The following FBXL17 variants were observed in gnomAD, a reference collection of about 807,000 sequenced individuals.
FBXL17 encodes F-box and leucine rich repeat protein 17.
FBXL17 carries 22 observed loss-of-function variants against 66.2 expected under a neutral mutation model. That is an observed-to-expected ratio of 0.33 (90% CI 0.24 to 0.47). The LOEUF (loss-of-function observed/expected upper bound fraction) is 0.47. Ranked by LOEUF, FBXL17 falls within the 20% of genes least tolerant of loss-of-function variation. FBXL17 has a pLI of 1.00. For synonymous variants in FBXL17, 474 were observed against 400.5 expected (o/e 1.18, Z -2.19); for missense variants, 878 against 948.2 (o/e 0.93, Z 0.97).
At chr5:108,146,559 T>G (rs1009820593) in intron 6 of FBXL17, among the ~76,000 whole-genome samples, 2 of 152,046 alleles carry the variant, frequency 1.3e-5, no homozygotes, top group African/African-American at 4.8e-5. Context: ...TTTCTTTGAG[T>G]TTTATAAACC....
At chr5:108,030,337 A>G (rs914464329) in intron 6 of FBXL17, among the ~76,000 whole-genome samples, 2 of 152,120 alleles carry the variant, frequency 1.3e-5, no homozygotes, top group African/African-American at 2.4e-5. Flanking sequence ...GGGAGGAAGT[A>G]TTACCCATTT....
At chr5:108,196,044 T>C (rs141866332) in intron 5 of FBXL17, among the ~76,000 whole-genome samples, 84 of 152,184 alleles carry the variant, frequency 5.5e-4, no homozygotes, top group Non-Finnish European at 1.0e-3. Context: ...ACATTTAATA[T>C]ATAATTGTAT....
chr5:107,952,100 A>T (rs1751515891), intron 7 of FBXL17, among the ~76,000 whole-genome samples: 1 of 66,268 alleles, frequency 1.5e-5, no homozygotes, highest in Admixed American at 1.3e-4. Context: ...ACAATAGGAA[A>T]ACACAAGCAT....
At position 108,246,464 on chromosome 5, in the gene FBXL17, C is replaced by A. The variant is rs552185354; in HGVS notation, c.1507-22236G>T. Reference sequence around the variant, plus strand: ...CCCAGGAGGTTGAGGTTGCAGTAAGCCATGATCATGCCACTGCACTCCACC... The same window carrying A: ...CCCAGGAGGTTGAGGTTGCAGTAAGACATGATCATGCCACTGCACTCCACC... On this transcript the variant is annotated intron_variant, in intron 4 of 8. Coordinates refer to ENST00000542267, the MANE Select transcript of FBXL17 (RefSeq NM_001163315.3). Among the ~76,000 whole-genome samples the A allele has an allele frequency of 3.3e-5, 5 of 152,234 alleles. No individual in the cohort carries two copies. In the South Asian group the frequency reaches 1.0e-3, roughly 32 times the overall value.
At chr5:107,935,854 C>T (rs1250524170) in intron 7 of FBXL17, among the ~76,000 whole-genome samples, 2 of 152,080 alleles carry the variant, frequency 1.3e-5, no homozygotes, top group African/African-American at 4.8e-5. Flanking sequence ...ATCACCATAG[C>T]AACCTGAAAG....
At chr5:108,165,880 C>A (rs1580541770) in intron 6 of FBXL17, among the ~76,000 whole-genome samples, 1 of 152,076 alleles carries the variant, frequency 6.6e-6, no homozygotes, top group African/African-American at 2.4e-5. Flanking sequence ...ATATGAAATA[C>A]CAAAGCACAG....
At chr5:108,333,306 A>C (rs1760220670) in intron 4 of FBXL17, among the ~76,000 whole-genome samples, 1 of 151,986 alleles carries the variant, frequency 6.6e-6, no homozygotes, top group Non-Finnish European at 1.5e-5. Context: ...CAAATATATA[A>C]AGGAAGAAGA....
At chr5:108,356,713 T>G (rs748024712) in intron 3 of FBXL17, among the ~76,000 whole-genome samples, 9 of 152,036 alleles carry the variant, frequency 5.9e-5, no homozygotes, top group African/African-American at 2.2e-4. Flanking sequence ...TTTAGAGCAG[T>G]GAAAATACTC....
chr5:108,009,001 A>G (rs1218552541), intron 7 of FBXL17, among the ~76,000 whole-genome samples: 1 of 151,048 alleles, frequency 6.6e-6, no homozygotes, highest in Non-Finnish European at 1.5e-5. Flanking sequence ...AAGTAGGAAG[A>G]AAAAAAAGGG....
rs573501160 is a variant in FBXL17 at position 107,866,913 on chromosome 5, A to G, written c.1966-5053T>C. 7.2e-5 allele frequency among the ~76,000 whole-genome samples: 11 copies of G among 152,316 alleles called. No individual in the cohort carries two copies. The South Asian group carries it at 2.1e-3, about 29-fold the overall frequency. On this transcript the variant is annotated intron_variant, in intron 8 of 8. Transcript: ENST00000542267. ...CTGGTATATTCTTGCCCATTAGAATACAGGCTCTATGAGACAGATATTCTT... is the reference window on the plus strand; with the variant it reads ...CTGGTATATTCTTGCCCATTAGAATGCAGGCTCTATGAGACAGATATTCTT...
At chr5:108,315,165 A>T (rs1373706298) in intron 4 of FBXL17, among the ~76,000 whole-genome samples, 1 of 151,118 alleles carries the variant, frequency 6.6e-6, no homozygotes, top group African/African-American at 2.4e-5. Context: ...TCACTTTATT[A>T]CTGAAGTAAA....
Position 108,381,534 on chromosome 5 carries a change from C to T in FBXL17, c.158G>A (p.Cys53Tyr), listed in dbSNP as rs1749931342. Reference sequence around the variant, plus strand: ...GAGCATGCAGGGCCCGCGGAAGAAGCAGTCCCGGCTCCGGGGCGCCGCCGG... The same window carrying T: ...GAGCATGCAGGGCCCGCGGAAGAAGTAGTCCCGGCTCCGGGGCGCCGCCGG... ...PQPAAPRSRDCFFRGPCMLCF... is the reference protein window; with the variant it reads ...PQPAAPRSRDYFFRGPCMLCF... The change falls in exon 1 of 9, where the codon TGC (cysteine) becomes TAC (tyrosine). Residue 53 changes from cysteine to tyrosine, a missense_variant. Around this residue, in one of 4 missense-constraint regions of FBXL17, gnomAD observed 605 missense variants for 509.5 expected, o/e 1.19. Coordinates refer to ENST00000542267, the MANE Select transcript of FBXL17 (RefSeq NM_001163315.3). 6 of 1,418,754 alleles carry T rather than the reference C, an allele frequency of 4.2e-6. No homozygotes were observed. The South Asian group carries it at 5.9e-5, about 14-fold the overall frequency. 87.9% of individuals were successfully genotyped at this position (1,418,754 alleles called of 1,614,324 possible). A position where few individuals can be genotyped will look rare whatever the true frequency, so the allele number is the denominator to read the frequency against.
At chr5:108,363,633 T>C (rs1748481815) in intron 3 of FBXL17, among the ~76,000 whole-genome samples, 3 of 151,950 alleles carry the variant, frequency 2.0e-5, no homozygotes, top group African/African-American at 7.2e-5. Flanking sequence ...GATTAGCATA[T>C]TAAATGTTGC....
At chr5:107,968,004 C>T (rs1752219865) in intron 7 of FBXL17, among the ~76,000 whole-genome samples, 1 of 151,992 alleles carries the variant, frequency 6.6e-6, no homozygotes, top group Non-Finnish European at 1.5e-5. Flanking sequence ...TCCAGTTATA[C>T]TAAGGTATAA....
intron 6 of FBXL17, among the ~76,000 whole-genome samples, chr5:108,159,927 G>C (rs1042567391): frequency 6.6e-6 from 1 of 151,956 alleles, no homozygotes; most frequent in Admixed American, 6.6e-5. Flanking sequence ...TTCTCATTAG[G>C]AGAGTAAAAA....
intron 6 of FBXL17, among the ~76,000 whole-genome samples, chr5:108,034,582 A>G (rs1485697192): frequency 6.6e-6 from 1 of 152,184 alleles, no homozygotes; most frequent in Non-Finnish European, 1.5e-5. Flanking sequence ...CAATTTTAAG[A>G]AACATGCAGT....
intron 3 of FBXL17, among the ~76,000 whole-genome samples, chr5:108,359,271 A>G (rs1009967616): frequency 5.9e-5 from 9 of 152,208 alleles, no homozygotes; most frequent in East Asian, 3.9e-4. Flanking sequence ...TTGGTTTTCA[A>G]TAATTTTTTT....
chr5:108,305,185 T>A (rs549196195), intron 4 of FBXL17, among the ~76,000 whole-genome samples: 13 of 151,990 alleles, frequency 8.6e-5, no homozygotes, highest in Non-Finnish European at 1.9e-4. Context: ...TTGGTTAACA[T>A]AGAGTTGGTT....
At chr5:107,874,639 T>C (rs1352136273) in intron 8 of FBXL17, among the ~76,000 whole-genome samples, 1 of 152,162 alleles carries the variant, frequency 6.6e-6, no homozygotes, top group Non-Finnish European at 1.5e-5. Flanking sequence ...CACATCAGTG[T>C]TTCTTGGTTT....
Sources: gnomAD v4.1 joint callset for allele counts (sites outside exome capture counted in the v4.1 genomes callset) on GRCh38, gnomAD v4.1.1 for gene constraint, gnomAD v4.1.1 regional missense constraint, MANE v1.5 for transcripts, NCBI Gene and HGNC (gene_info 2026-07-23, HGNC 2026-07-21) for gene names.